The following ISM1 variants were observed in gnomAD, a reference collection of about 807,000 sequenced individuals.
ISM1 encodes the protein isthmin-1.
ISM1 carries 25 observed loss-of-function variants against 46.3 expected under a neutral mutation model. That is an observed-to-expected ratio of 0.54 (90% CI 0.39 to 0.75). ISM1 has a LOEUF of 0.75. Ranked by LOEUF, ISM1 falls within the 30% of genes least tolerant of loss-of-function variation. The probability of loss-of-function intolerance (pLI) is 0.00; values close to 1 mark genes in which losing one functional copy is unlikely to be tolerated. For synonymous variants in ISM1, 255 were observed against 256.7 expected (o/e 0.99, Z 0.06); for missense variants, 536 against 625.4 (o/e 0.86, Z 1.52).
At chr20:13,227,960 T>C (rs1489402149) in intron 1 of ISM1, among the ~76,000 whole-genome samples, 1 of 85,642 alleles carries the variant, frequency 1.2e-5, no homozygotes, top group Non-Finnish European at 2.4e-5. Context: ...TGCTGCTGCC[T>C]TTTTTTTTTT....
intron 1 of ISM1, chr20:13,239,027 G>C (rs910979387): frequency 6.6e-6 from 1 of 152,210 alleles, no homozygotes; most frequent in Non-Finnish European, 1.5e-5. Context: ...TGTGAAGTGT[G>C]ATGGTGGCAC....
chr20:13,232,939 C>T (rs2039604941), intron 1 of ISM1, among the ~76,000 whole-genome samples: 1 of 151,680 alleles, frequency 6.6e-6, no homozygotes, highest in South Asian at 2.1e-4. Flanking sequence ...TCATGGGTCT[C>T]GATTCTCCAA....
Position 13,299,864 on chromosome 20 carries a change from G to A in ISM1, c.*405G>A. 1 of 162,822 alleles carries A rather than the reference G, an allele frequency of 6.1e-6. No individual in the cohort carries two copies. Among genetic ancestry groups the A allele is most frequent in the Middle Eastern group, 3.2e-3 (1 of 316 alleles). 10.1% of individuals were successfully genotyped at this position (162,822 alleles called of 1,614,324 possible). A position where few individuals can be genotyped will look rare whatever the true frequency, so the allele number is the denominator to read the frequency against. On this transcript the variant is annotated 3_prime_UTR_variant, in exon 6 of 6. Transcript: ENST00000262487. The surrounding 1 kb of genome is among the most constrained non-coding windows in gnomAD (Gnocchi z 5.8). Reference sequence around the variant, plus strand: ...TATATATAACTTATTTAATACAAATGTGACTTAATTAAGCGTAACCTTTTC... The same window carrying A: ...TATATATAACTTATTTAATACAAATATGACTTAATTAAGCGTAACCTTTTC...
the ISM1 span, among the ~76,000 whole-genome samples, chr20:13,321,342 C>G: frequency 6.8e-6 from 1 of 147,752 alleles, no homozygotes; most frequent in Non-Finnish European, 1.5e-5. Flanking sequence ...GGGGCCTAAA[C>G]CACATGAATA....
the ISM1 span, among the ~76,000 whole-genome samples, chr20:13,316,442 T>C: frequency 3.3e-5 from 5 of 151,942 alleles, no homozygotes; most frequent in Non-Finnish European, 4.4e-5. Context: ...ACTCATCCTA[T>C]GAGAGCAGCA....
chr20:13,265,702 G>A (rs1030700517), intron 1 of ISM1, among the ~76,000 whole-genome samples: 20 of 152,058 alleles, frequency 1.3e-4, no homozygotes, highest in Admixed American at 4.6e-4. Flanking sequence ...AAGTAATGGC[G>A]GTTTTTGCCA....
chr20:13,265,239 G>A (rs191874820), intron 1 of ISM1, among the ~76,000 whole-genome samples: 1 of 152,186 alleles, frequency 6.6e-6, no homozygotes, highest in East Asian at 1.9e-4. Context: ...CTCTTAACCT[G>A]ATGCATCTGC....
chr20:13,235,399 G>A (rs1430739909), intron 1 of ISM1, among the ~76,000 whole-genome samples: 1 of 152,196 alleles, frequency 6.6e-6, no homozygotes, highest in Non-Finnish European at 1.5e-5. Flanking sequence ...CCTCAGTTAA[G>A]TCTCTGCCCC....
chr20:13,268,179 C>T (rs957156574), intron 1 of ISM1, among the ~76,000 whole-genome samples: 1 of 150,984 alleles, frequency 6.6e-6, no homozygotes, highest in African/African-American at 2.4e-5. Flanking sequence ...CTCTCCTCTC[C>T]TCTTCTCTTC....
chr20:13,320,881 G>A, the ISM1 span, among the ~76,000 whole-genome samples: 1 of 152,144 alleles, frequency 6.6e-6, no homozygotes, highest in Non-Finnish European at 1.5e-5. Context: ...TGGCCACAGT[G>A]AGTTGCATGA....
chr20:13,252,755 C>T (rs1216800425), intron 1 of ISM1, among the ~76,000 whole-genome samples: 1 of 142,692 alleles, frequency 7.0e-6, no homozygotes, highest in Non-Finnish European at 1.5e-5. Flanking sequence ...GACTCTGTCT[C>T]AAAAAAAAAA....
chr20:13,280,679 C>T (rs1177484312), intron 3 of ISM1, among the ~76,000 whole-genome samples: 1 of 152,162 alleles, frequency 6.6e-6, no homozygotes, highest in Non-Finnish European at 1.5e-5. Flanking sequence ...AGAAGGAACA[C>T]ACACTCGTAA....
intron 3 of ISM1, among the ~76,000 whole-genome samples, chr20:13,283,137 C>A (rs111856584): frequency 6.6e-6 from 1 of 152,148 alleles, no homozygotes; most frequent in Non-Finnish European, 1.5e-5. Flanking sequence ...AACTCCTGGG[C>A]TCAAGCAGTC....
At chr20:13,274,578 C>G (rs1040099003) in intron 2 of ISM1, among the ~76,000 whole-genome samples, 1 of 152,312 alleles carries the variant, frequency 6.6e-6, no homozygotes, top group East Asian at 1.9e-4. Flanking sequence ...GTGTTTCCCA[C>G]GCTCCAGGGC....
the ISM1 span, among the ~76,000 whole-genome samples, chr20:13,325,260 T>A: frequency 1.2e-4 from 18 of 152,324 alleles, 1 homozygote; most frequent in African/African-American, 4.3e-4. Flanking sequence ...ATCAAGAAGT[T>A]AGAGGTCTCA....
chr20:13,249,015 G>A (rs1038501800), intron 1 of ISM1, among the ~76,000 whole-genome samples: 1 of 152,182 alleles, frequency 6.6e-6, no homozygotes, highest in Non-Finnish European at 1.5e-5. Context: ...GCTAAACATC[G>A]TGGGCCAAGT....
downstream of ISM1, among the ~76,000 whole-genome samples, chr20:13,304,212 G>T (rs376377410): frequency 6.6e-6 from 1 of 152,320 alleles, no homozygotes; most frequent in Non-Finnish European, 1.5e-5. Flanking sequence ...CTGCAAGGGA[G>T]ACTGGGAAAT....
At position 13,279,488 on chromosome 20, in the gene ISM1, A is replaced by G. The variant is rs984028446; in HGVS notation, c.379-146A>G. ...TGTGGACCATCCCTGGAGGTTTTCC[A>G]TTGTGTATCGCCATGCAATCTCAGC... is the stretch of plus-strand genomic sequence containing the variant. On this transcript the variant is annotated intron_variant, in intron 2 of 5. Coordinates refer to ENST00000262487, the MANE Select transcript of ISM1 (RefSeq NM_080826.2). 7 of 786,406 alleles carry G rather than the reference A, an allele frequency of 8.9e-6. No individual in the cohort carries two copies. The African/African-American group carries it at 1.2e-4, about 14-fold the overall frequency. 48.7% of individuals were successfully genotyped at this position (786,406 alleles called of 1,614,324 possible). A position where few individuals can be genotyped will look rare whatever the true frequency, so the allele number is the denominator to read the frequency against.
At chr20:13,223,177 T>A (rs1320678970) in intron 1 of ISM1, among the ~76,000 whole-genome samples, 3 of 146,734 alleles carry the variant, frequency 2.0e-5, no homozygotes, top group African/African-American at 5.2e-5. Flanking sequence ...TAAAATAAAA[T>A]AAAATAAAAT....
Sources: gnomAD v4.1 joint callset for allele counts (sites outside exome capture counted in the v4.1 genomes callset) on GRCh38, gnomAD v4.1.1 for gene constraint, Gnocchi (gnomAD v3.1) non-coding constraint, MANE v1.5 for transcripts, NCBI Gene and HGNC (gene_info 2026-07-23, HGNC 2026-07-21) for gene names.